PRKAG2: variants seen among roughly 807,000 people sequenced by gnomAD.
PRKAG2 encodes protein kinase AMP-activated non-catalytic subunit gamma 2, also known as 5'-AMP-activated protein kinase subunit gamma-2.
Under a neutral mutation model 69.6 loss-of-function variants are expected in PRKAG2, and 26 were observed. That is an observed-to-expected ratio of 0.37 (90% CI 0.27 to 0.52). The LOEUF (loss-of-function observed/expected upper bound fraction) is 0.52. PRKAG2 is among the 20% of genes least tolerant of loss of function. The pLI, the probability that PRKAG2 is intolerant of heterozygous loss-of-function variation, is 0.90. For missense variants in PRKAG2, 557 were observed against 740.0 expected, an observed-to-expected ratio of 0.75 and a Z score of 2.87; for synonymous variants, 293 against 285.0, an observed-to-expected ratio of 1.03 and a Z score of -0.28.
chr7:151,692,964 AGCTGT>A (rs1425845409), intron 3 of PRKAG2, among the ~76,000 whole-genome samples: 3 of 152,106 alleles, frequency 2.0e-5, no homozygotes, highest in African/African-American at 4.8e-5. Flanking sequence ...TCCTGGAGAC[AGCTGT>A]GCTCACACAG....
At chr7:151,670,103 T>TACACCTGCATGCACAC (rs1831760853) in intron 4 of PRKAG2, among the ~76,000 whole-genome samples, 1 of 78,594 alleles carries the variant, frequency 1.3e-5, no homozygotes, top group Admixed American at 1.2e-4. Context: ...TGCATGCACA[T>TACACCTGCATGCACAC]ACACCTGCAT....
intron 1 of PRKAG2, among the ~76,000 whole-genome samples, chr7:151,827,795 G>A (rs965253828): frequency 7.9e-5 from 11 of 139,690 alleles, no homozygotes; most frequent in African/African-American, 2.1e-4. Context: ...GTAGCCTGTC[G>A]TGGTATGACT....
intron 1 of PRKAG2, among the ~76,000 whole-genome samples, chr7:151,793,705 G>A (rs545152184): frequency 6.6e-5 from 10 of 152,192 alleles, no homozygotes; most frequent in African/African-American, 1.4e-4. Context: ...TGGGAGGCAC[G>A]GGGGAGGTGC....
intron 3 of PRKAG2, among the ~76,000 whole-genome samples, chr7:151,703,447 C>T (rs1838049955): frequency 6.6e-6 from 1 of 152,196 alleles, no homozygotes; most frequent in South Asian, 2.1e-4. Flanking sequence ...CCTCAGTTGT[C>T]TTACTGATGA....
At chr7:151,872,365 T>C (rs984723546) in intron 1 of PRKAG2, among the ~76,000 whole-genome samples, 1 of 152,242 alleles carries the variant, frequency 6.6e-6, no homozygotes, top group African/African-American at 2.4e-5. Flanking sequence ...CTGTACACTT[T>C]TCCAGGCTGA....
At chr7:151,789,586 G>A (rs560013746) in intron 1 of PRKAG2, among the ~76,000 whole-genome samples, 8 of 152,292 alleles carry the variant, frequency 5.3e-5, no homozygotes, top group South Asian at 2.1e-4. Flanking sequence ...CACTCGTACC[G>A]TCACCTCAGC....
At position 151,788,626 on chromosome 7, in the gene PRKAG2, C is replaced by G. The variant is rs1052035846; in HGVS notation, c.115-2085G>C. On this transcript the variant is annotated intron_variant, in intron 1 of 15. Transcript: ENST00000287878. The surrounding 1 kb of genome is among the most constrained non-coding windows in gnomAD (Gnocchi z 4.6). ...CCATTCTGTGGGTTGCCTTTTTACT[C>G]TGCTGTGTCCTTTGATGTACAGAAG... Among the ~76,000 whole-genome samples the G allele has an allele frequency of 5.3e-5, 8 of 152,200 alleles. No individual in the cohort carries two copies. Among genetic ancestry groups the G allele is most frequent in the African/African-American group, 1.9e-4 (8 of 41,456 alleles).
intron 5 of PRKAG2, among the ~76,000 whole-genome samples, chr7:151,608,074 C>A (rs1205197342): frequency 6.6e-6 from 1 of 152,082 alleles, no homozygotes; most frequent in South Asian, 2.1e-4. Flanking sequence ...CACGTGAAGA[C>A]AGGTGGAGGC....
intron 5 of PRKAG2, among the ~76,000 whole-genome samples, chr7:151,630,975 T>C (rs956016909): frequency 5.3e-5 from 8 of 152,270 alleles, no homozygotes; most frequent in Non-Finnish European, 7.3e-5. Flanking sequence ...GTTTGTGAAA[T>C]GCTGCAGTGA....
At chr7:151,585,457 C>CTG (rs1563191632) in intron 6 of PRKAG2, among the ~76,000 whole-genome samples, 1 of 68,076 alleles carries the variant, frequency 1.5e-5, no homozygotes, top group Admixed American at 1.4e-4. Context: ...TTGAAAAACT[C>CTG]TCAGCCACTA....
At chr7:151,639,159 C>A (rs1019452586) in intron 4 of PRKAG2, among the ~76,000 whole-genome samples, 4 of 152,210 alleles carry the variant, frequency 2.6e-5, no homozygotes, top group African/African-American at 9.6e-5. Flanking sequence ...TCTACACCAA[C>A]GCAGATGCAC....
chr7:151,696,824 G>A (rs1836761853), intron 3 of PRKAG2, among the ~76,000 whole-genome samples: 1 of 152,184 alleles, frequency 6.6e-6, no homozygotes, highest in Non-Finnish European at 1.5e-5. Context: ...TGGAGAGTGG[G>A]GAGCAGCCCG....
At chr7:151,691,895 C>A (rs1015057157) in intron 3 of PRKAG2, among the ~76,000 whole-genome samples, 1 of 152,276 alleles carries the variant, frequency 6.6e-6, no homozygotes, top group East Asian at 1.9e-4. Context: ...AAACTGGAGA[C>A]AATTCAAACA....
At position 151,669,096 on chromosome 7, in the gene PRKAG2, C is replaced by T. The variant is rs114395733; in HGVS notation, c.684+6324G>A. ...AAACGCACTCCTTTCCTTTGTAAGA[C>T]GGGAATGACACTTTCTTTTCTCTCC... On this transcript the variant is annotated intron_variant, in intron 4 of 15. Coordinates refer to ENST00000287878, the MANE Select transcript of PRKAG2 (RefSeq NM_016203.4). 1.5e-3 allele frequency among the ~76,000 whole-genome samples: 228 copies of T among 152,324 alleles called. 1 individual carries two copies. The highest frequency in any genetic ancestry group is 5.3e-3 in the African/African-American group (220 of 41,574).
At position 151,828,609 on chromosome 7, in the gene PRKAG2, C is replaced by G. The variant is rs922738315; in HGVS notation, c.115-42068G>C. Among the ~76,000 whole-genome samples the G allele has an allele frequency of 6.6e-6, 1 of 152,130 alleles. No homozygotes were observed. The highest frequency in any genetic ancestry group is 1.5e-5 in the Non-Finnish European group (1 of 68,028). On this transcript the variant is annotated intron_variant, in intron 1 of 15. Coordinates refer to ENST00000287878, the MANE Select transcript of PRKAG2 (RefSeq NM_016203.4). This position sits in a 1 kb window ranked among gnomAD's most constrained non-coding sequence, Gnocchi z 4.6. ...CCTTTTAAGGGCCTTTCACTCACCACGATATCAATATAAAACTGCCAATAC... is the reference window on the plus strand; with the variant it reads ...CCTTTTAAGGGCCTTTCACTCACCAGGATATCAATATAAAACTGCCAATAC...
chr7:151,761,214 T>G (rs1390293931), intron 3 of PRKAG2, among the ~76,000 whole-genome samples: 1 of 152,310 alleles, frequency 6.6e-6, no homozygotes, highest in South Asian at 2.1e-4. Flanking sequence ...AGGATGATAC[T>G]AGCCCTTCCC....
At chr7:151,717,342 AC>A (rs1445634713) in intron 3 of PRKAG2, among the ~76,000 whole-genome samples, 1 of 152,110 alleles carries the variant, frequency 6.6e-6, no homozygotes, top group African/African-American at 2.4e-5. Flanking sequence ...GACGAGAGTT[AC>A]CCAAGAGACT....
intron 5 of PRKAG2, among the ~76,000 whole-genome samples, chr7:151,620,858 G>A (rs563848438): frequency 1.7e-4 from 25 of 151,322 alleles, no homozygotes; most frequent in Non-Finnish European, 3.5e-4. Context: ...GGTTGGTCTC[G>A]AACTCCTGGG....
intron 3 of PRKAG2, among the ~76,000 whole-genome samples, chr7:151,694,137 G>C (rs184235832): frequency 1.1e-4 from 17 of 152,290 alleles, no homozygotes; most frequent in African/African-American, 4.1e-4. Flanking sequence ...GCCTCCCAAA[G>C]TATTGGGATT....
Sources: gnomAD v4.1 joint callset for allele counts (sites outside exome capture counted in the v4.1 genomes callset) on GRCh38, gnomAD v4.1.1 for gene constraint, Gnocchi (gnomAD v3.1) non-coding constraint, MANE v1.5 for transcripts, NCBI Gene and HGNC (gene_info 2026-07-23, HGNC 2026-07-21) for gene names.